The following TDRD10 variants were observed in gnomAD, a reference collection of about 807,000 sequenced individuals.
TDRD10 encodes tudor domain-containing protein 10.
In TDRD10, 40 loss-of-function variants were observed where a neutral mutation model predicts 48.0. That is an observed-to-expected ratio of 0.83 (90% CI 0.65 to 1.09). The LOEUF (loss-of-function observed/expected upper bound fraction) is 1.09. TDRD10 is among the 50% of genes least tolerant of loss of function. TDRD10 has a pLI of 0.00. For missense variants in TDRD10, 378 were observed against 434.7 expected (o/e 0.87, Z 1.16); for synonymous variants, 162 against 170.4 (o/e 0.95, Z 0.38).
At chr1:154,545,765 C>CT (rs1695515463) in intron 11 of TDRD10, among the ~76,000 whole-genome samples, 1 of 144,546 alleles carries the variant, frequency 6.9e-6, no homozygotes, top group Non-Finnish European at 1.5e-5. Flanking sequence ...TATAGACAAA[C>CT]TAAGTCTTTT....
chr1:154,529,742 A>G (rs547951252), intron 6 of TDRD10, among the ~76,000 whole-genome samples: 1 of 151,026 alleles, frequency 6.6e-6, no homozygotes, highest in African/African-American at 2.4e-5. Context: ...ACGGGGTTTC[A>G]CTATGTTGGC....
Position 154,544,482 on chromosome 1 carries a change from G to A in TDRD10, c.762G>A (p.Glu254=). The A allele has an allele frequency of 6.2e-7, 1 of 1,613,828 alleles. No homozygotes were observed. The highest frequency in any genetic ancestry group is 2.2e-5 in the East Asian group (1 of 44,886). The part of the protein sequence containing the change: ...TVMRGTRCLA[E]YHLGDYGHAW... ...TGCGCGGGACTCGCTGTCTGGCAGA[G>A]TACCACCTGGGGGATTATGGACACG... Residue 254 remains glutamate, a synonymous_variant, in exon 10 of 13, where the codon GAG becomes GAA. Transcript: ENST00000368482.
chr1:154,535,796 T>C (rs1393582445), intron 6 of TDRD10, among the ~76,000 whole-genome samples: 1 of 152,162 alleles, frequency 6.6e-6, no homozygotes, highest in Non-Finnish European at 1.5e-5. Context: ...AATGAATCAG[T>C]AAGCCAAAAC....
intron 3 of TDRD10, among the ~76,000 whole-genome samples, chr1:154,507,596 A>G (rs1455704926): frequency 2.0e-5 from 3 of 151,674 alleles, no homozygotes; most frequent in African/African-American, 7.3e-5. Flanking sequence ...TCCCTCTACC[A>G]TCTCCAAAGT....
chr1:154,544,795 G>T lies in TDRD10; in HGVS notation c.798G>T (p.Arg266Ser). ...HLGDYGHAWN[R>S]CWVLDRVDTW... ...CTGTCTTTCTCTTTTCCTCTGCCAG[G>T]TGTTGGGTGCTGGACAGGGTGGACA... The change falls in exon 11 of 13, where the codon AGG (arginine) becomes AGT (serine). Residue 266 changes from arginine (R) to serine (S), a missense_variant and splice_region_variant. Transcript: ENST00000368482. 1 of 1,613,974 alleles carries T rather than the reference G, an allele frequency of 6.2e-7. No individual in the cohort carries two copies. Among genetic ancestry groups the T allele is most frequent in the African/African-American group, 1.3e-5 (1 of 75,038 alleles).
chr1:154,506,881 TC>T lies in TDRD10; in HGVS notation c.-21del. 1.2e-6 allele frequency: 2 copies of T among 1,614,128 alleles called. No individual in the cohort carries two copies. Among genetic ancestry groups the T allele is most frequent in the Non-Finnish European group, 1.7e-6 (2 of 1,179,976 alleles). On this transcript the variant is annotated 5_prime_UTR_variant, in exon 2 of 13. Transcript: ENST00000368482. ...TGTGGCCGGTTGGTTTTGTAGGAGA[TC>T]CTGTTGGAAAGCAACTGCAGCATGT...
intron 4 of TDRD10, among the ~76,000 whole-genome samples, chr1:154,512,825 A>G (rs528507464): frequency 1.3e-5 from 2 of 152,320 alleles, no homozygotes; most frequent in Non-Finnish European, 2.9e-5. Flanking sequence ...CCAGAAAGCT[A>G]TCAAAGACTA....
chr1:154,544,446 C>T lies in TDRD10; in HGVS notation c.726C>T (p.Gly242=), dbSNP rs766908738. 6.8e-6 allele frequency: 11 copies of T among 1,611,954 alleles called. No individual in the cohort carries two copies. Among genetic ancestry groups the T allele is most frequent in the Admixed American group, 3.4e-5 (2 of 59,688 alleles). The change falls in exon 10 of 13, where the codon GGC becomes GGT. Residue 242 remains glycine, a synonymous_variant. Coordinates refer to ENST00000368482, the MANE Select transcript of TDRD10 (RefSeq NM_182499.4). ...QAEEQQPYLE[G]STVMRGTRCL... The stretch of plus-strand genomic sequence containing the variant: ...AGGAGCAGCAGCCCTACCTGGAGGG[C>T]TCCACCGTTATGCGCGGGACTCGCT...
chr1:154,531,618 A>G (rs1694625055), intron 6 of TDRD10, among the ~76,000 whole-genome samples: 1 of 152,198 alleles, frequency 6.6e-6, no homozygotes, highest in Non-Finnish European at 1.5e-5. Flanking sequence ...GTTACAGCTC[A>G]TAAAGGCAGT....
rs1694651395 is a variant in TDRD10 at position 154,531,945 on chromosome 1, CTGAT to C, written c.370-10076_370-10073del. ...CAAACCCTGAGCTAGACACAGAGCG[CTGAT>C]TGGTGTATTTACAATCCCTTAGCTA... On this transcript the variant is annotated intron_variant, in intron 6 of 12. Coordinates refer to ENST00000368482, the MANE Select transcript of TDRD10 (RefSeq NM_182499.4). Among the ~76,000 whole-genome samples, 3 of 152,350 alleles carry C rather than the reference CTGAT, an allele frequency of 2.0e-5. 1 individual carries two copies. In the East Asian group the frequency reaches 5.8e-4, roughly 29 times the overall value.
chr1:154,547,940 A>T lies in TDRD10; in HGVS notation c.*230A>T. 3.4e-6 allele frequency: 2 copies of T among 590,566 alleles called. No homozygotes were observed. The highest frequency in any genetic ancestry group is 6.0e-6 in the Non-Finnish European group (2 of 335,092). The allele number at this position is 590,566 out of a possible 1,614,324, so 36.6% of individuals were successfully genotyped here. ...CAACTTGGCATGAACATTTGAACCA[A>T]ACATAGGAAACTACCATTAGGTTGA... On this transcript the variant is annotated 3_prime_UTR_variant, in exon 13 of 13. Coordinates refer to ENST00000368482, the MANE Select transcript of TDRD10 (RefSeq NM_182499.4).
At chr1:154,522,571 C>T (rs1343873668) in intron 6 of TDRD10, among the ~76,000 whole-genome samples, 5 of 152,082 alleles carry the variant, frequency 3.3e-5, no homozygotes, top group East Asian at 3.9e-4. Flanking sequence ...TTTGGGAGAC[C>T]GAGGCAGGAG....
chr1:154,509,714 C>A, intron 4 of TDRD10: 1 of 528,586 alleles, frequency 1.9e-6, no homozygotes, highest in Non-Finnish European at 2.4e-6. Flanking sequence ...AAATCATATT[C>A]AATCAAAGGG....
At chr1:154,507,664 C>T (rs950452066) in intron 3 of TDRD10, among the ~76,000 whole-genome samples, 5 of 152,196 alleles carry the variant, frequency 3.3e-5, no homozygotes, top group South Asian at 2.1e-4. Context: ...AGCCCTCACC[C>T]GTATCACCCA....
intron 6 of TDRD10, among the ~76,000 whole-genome samples, chr1:154,528,428 G>A (rs1363922189): frequency 4.6e-5 from 7 of 151,964 alleles, no homozygotes; most frequent in African/African-American, 1.7e-4. Context: ...GTCTCGCCAT[G>A]TTGATCAGGC....
intron 6 of TDRD10, among the ~76,000 whole-genome samples, chr1:154,527,068 G>T (rs759073724): frequency 6.6e-6 from 1 of 151,824 alleles, no homozygotes; most frequent in Non-Finnish European, 1.5e-5. Flanking sequence ...CTGCCACCAC[G>T]CCCGCCTAGT....
rs945613945 is a variant in TDRD10, at chr1:154,509,847, T to C, written c.141+1366T>C. ...GAAGTGGGCAGAGGAGCCCTACATG[T>C]GGTTCCTGCAGTGGTCTGGGGAGGT... is the stretch of plus-strand genomic sequence containing the variant. On this transcript the variant is annotated intron_variant, in intron 4 of 12. Transcript: ENST00000368482. 5.1e-6 allele frequency: 5 copies of C among 985,296 alleles called. No homozygotes were observed. The Admixed American group carries it at 1.8e-4, about 36-fold the overall frequency. 61.0% of individuals were successfully genotyped at this position (985,296 alleles called of 1,614,324 possible).
intron 6 of TDRD10, among the ~76,000 whole-genome samples, chr1:154,526,340 A>G (rs553396528): frequency 2.0e-5 from 3 of 151,774 alleles, no homozygotes; most frequent in South Asian, 2.1e-4. Flanking sequence ...ATGCCACTTC[A>G]CTCCAGCCTG....
At chr1:154,527,265 A>AC (rs1482972708) in intron 6 of TDRD10, among the ~76,000 whole-genome samples, 1 of 152,236 alleles carries the variant, frequency 6.6e-6, no homozygotes, top group Admixed American at 6.5e-5. Flanking sequence ...ACAGATACGG[A>AC]AGACCAATTG....
Sources: allele counts gnomAD v4.1 joint callset (sites outside exome capture counted in the v4.1 genomes callset), GRCh38; gene constraint gnomAD v4.1.1; transcripts MANE v1.5; gene names NCBI Gene and HGNC (gene_info 2026-07-23, HGNC 2026-07-21).